Variants in SNX2 observed in about 807,000 individuals in gnomAD.
SNX2 encodes the protein sorting nexin-2.
Under a neutral mutation model 69.9 loss-of-function variants are expected in SNX2, and 25 were observed. The ratio of observed to expected loss-of-function variants is 0.36; its 90% CI spans 0.26 to 0.50. The LOEUF (loss-of-function observed/expected upper bound fraction) is 0.50, where lower values mean the gene tolerates loss of function less well. SNX2 is among the 20% of genes least tolerant of loss of function. The pLI is 0.97. For missense variants in SNX2, 551 were observed against 613.3 expected, an observed-to-expected ratio of 0.90 and a Z score of 1.07; for synonymous variants, 229 against 200.4, an observed-to-expected ratio of 1.14 and a Z score of -1.20.
chr5:122,792,581 G>T (rs1465982329), intron 1 of SNX2, among the ~76,000 whole-genome samples: 1 of 145,820 alleles, frequency 6.9e-6, no homozygotes, highest in Non-Finnish European at 1.5e-5. Context: ...TGGGCAACAA[G>T]AGTGAAACTT....
At chr5:122,798,828 C>T (rs929431764) in intron 2 of SNX2, among the ~76,000 whole-genome samples, 1 of 152,082 alleles carries the variant, frequency 6.6e-6, no homozygotes, top group South Asian at 2.1e-4. Context: ...TTTTGTCTCC[C>T]AGCTCAACTC....
At chr5:122,778,871 T>G (rs1208150795) in intron 1 of SNX2, among the ~76,000 whole-genome samples, 2 of 152,124 alleles carry the variant, frequency 1.3e-5, no homozygotes, top group African/African-American at 4.8e-5. Context: ...CATTTCAAAC[T>G]CCTACTGTAT....
At chr5:122,819,850 C>T (rs2150015579) in intron 11 of SNX2, among the ~76,000 whole-genome samples, 1 of 152,250 alleles carries the variant, frequency 6.6e-6, no homozygotes, top group Admixed American at 6.5e-5. Context: ...CAAGTTAATA[C>T]TCATCTACAA....
chr5:122,785,945 T>C (rs1753077080), intron 1 of SNX2, among the ~76,000 whole-genome samples: 1 of 152,238 alleles, frequency 6.6e-6, no homozygotes, highest in Admixed American at 6.5e-5. Flanking sequence ...GTTTTATCAA[T>C]TACTGAGAGA....
At chr5:122,818,574 T>G (rs1199654928) in intron 10 of SNX2, among the ~76,000 whole-genome samples, 1 of 152,216 alleles carries the variant, frequency 6.6e-6, no homozygotes, top group East Asian at 1.9e-4. Flanking sequence ...ATTAAATGAT[T>G]TAAACATAGT....
At position 122,816,988 on chromosome 5, in the gene SNX2, C is replaced by T; in HGVS notation, c.872C>T (p.Ala291Val). The T allele has an allele frequency of 1.2e-6, 2 of 1,609,102 alleles. No individual in the cohort carries two copies. Among genetic ancestry groups the T allele is most frequent in the Non-Finnish European group, 1.7e-6 (2 of 1,177,958 alleles). ...ILRMVNKAAD[A>V]VNKMTIKMNE... is the part of the protein sequence containing the mutation. ...AGGATGGTGAACAAGGCTGCCGACG[C>T]TGTCAACAAAATGACAATCAAGATG... Residue 291 changes from alanine to valine, a missense_variant, in exon 9 of 15, where the codon GCT becomes GTT. Coordinates refer to ENST00000379516, the MANE Select transcript of SNX2 (RefSeq NM_003100.4).
intron 6 of SNX2, among the ~76,000 whole-genome samples, chr5:122,805,315 G>A (rs1753617017): frequency 6.8e-6 from 1 of 146,714 alleles, no homozygotes; most frequent in South Asian, 2.2e-4. Context: ...AAAGAATTTT[G>A]CTGATTTATT....
At chr5:122,813,724 A>T (rs1432019646) in intron 7 of SNX2, among the ~76,000 whole-genome samples, 1 of 150,652 alleles carries the variant, frequency 6.6e-6, no homozygotes, top group African/African-American at 2.4e-5. Context: ...AATATAAATT[A>T]TACAAGGTAT....
At chr5:122,822,581 C>G (rs1394348158) in intron 11 of SNX2, among the ~76,000 whole-genome samples, 3 of 152,172 alleles carry the variant, frequency 2.0e-5, no homozygotes, top group Non-Finnish European at 4.4e-5. Flanking sequence ...CAAAAAACAT[C>G]AGGAATTGGA....
At chr5:122,823,026 T>C (rs1277439186) in intron 11 of SNX2, among the ~76,000 whole-genome samples, 3 of 152,198 alleles carry the variant, frequency 2.0e-5, no homozygotes, top group Non-Finnish European at 4.4e-5. Flanking sequence ...AATTGTAGCA[T>C]CAAATTTCCT....
In SNX2 at chr5:122,775,167, G is replaced by A; in HGVS notation, c.64G>A (p.Glu22Lys). 1 of 1,594,938 alleles carries A rather than the reference G, an allele frequency of 6.3e-7. No individual in the cohort carries two copies. Among genetic ancestry groups the A allele is most frequent in the East Asian group, 2.3e-5 (1 of 44,050 alleles). ...DGKPTDFEDL[E>K]DGEDLFTSTV... ...GAAGCCCACCGACTTTGAGGATCTG[G>A]AGGACGGAGAGGACCTGTTCACCAG... Residue 22 changes from glutamate (E) to lysine (K), a missense_variant, in exon 1 of 15, where the codon GAG (glutamate) becomes AAG (lysine). Transcript: ENST00000379516.
At position 122,830,763 on chromosome 5, in the gene SNX2, C is replaced by T. The variant is rs1224591266; in HGVS notation, c.*1115C>T. 2.0e-5 allele frequency among the ~76,000 whole-genome samples: 3 copies of T among 152,020 alleles called. No homozygotes were observed. The highest frequency in any genetic ancestry group is 7.2e-5 in the African/African-American group (3 of 41,388). ...GTGGCTCACGCCTGTAATCCTAGCA[C>T]TTTGGGAGGCTGAGGTGGGTGGATC... is the stretch of plus-strand genomic sequence containing the variant. On this transcript the variant is annotated 3_prime_UTR_variant, in exon 15 of 15. Coordinates refer to ENST00000379516, the MANE Select transcript of SNX2 (RefSeq NM_003100.4).
intron 11 of SNX2, among the ~76,000 whole-genome samples, chr5:122,824,419 A>C (rs993931092): frequency 6.6e-6 from 1 of 152,136 alleles, no homozygotes; most frequent in African/African-American, 2.4e-5. Flanking sequence ...TTTGGATTTT[A>C]ATAAGGGATG....
At chr5:122,825,689 A>C (rs1361572530) in intron 11 of SNX2, among the ~76,000 whole-genome samples, 1 of 152,050 alleles carries the variant, frequency 6.6e-6, no homozygotes, top group Non-Finnish European at 1.5e-5. Context: ...ATTTAGCGGG[A>C]AAATTTCCAG....
At chr5:122,826,452 A>G (rs1167694271) in intron 12 of SNX2, among the ~76,000 whole-genome samples, 10 of 152,022 alleles carry the variant, frequency 6.6e-5, no homozygotes, top group Non-Finnish European at 7.4e-5. Flanking sequence ...ACACATTTTT[A>G]TTAGATGGTT....
intron 10 of SNX2, 62 bp from the exon 11 acceptor site, chr5:122,818,756 A>G (rs1753953894): frequency 3.6e-6 from 5 of 1,375,858 alleles, no homozygotes; most frequent in East Asian, 2.4e-5. Context: ...GGAAAAATCA[A>G]TACAATATTT....
intron 1 of SNX2, among the ~76,000 whole-genome samples, chr5:122,779,520 T>G (rs1752923312): frequency 6.6e-6 from 1 of 152,240 alleles, no homozygotes; most frequent in Admixed American, 6.5e-5. Context: ...TAATATTCTA[T>G]AGTATGGCTG....
chr5:122,819,290 T>C (rs1332293596), intron 11 of SNX2, among the ~76,000 whole-genome samples: 4 of 152,246 alleles, frequency 2.6e-5, no homozygotes, highest in Admixed American at 6.5e-5. Context: ...TATACAAGTT[T>C]GGAACTAACT....
intron 11 of SNX2, among the ~76,000 whole-genome samples, chr5:122,824,229 A>G (rs1490676156): frequency 6.6e-6 from 1 of 151,460 alleles, no homozygotes; most frequent in East Asian, 1.9e-4. Context: ...AGAAAATTGT[A>G]AAAAACACTG....
Sources: gnomAD v4.1 joint callset for allele counts (sites outside exome capture counted in the v4.1 genomes callset) on GRCh38, gnomAD v4.1.1 for gene constraint, MANE v1.5 for transcripts, NCBI Gene and HGNC (gene_info 2026-07-23, HGNC 2026-07-21) for gene names.